The following CAMKK1 variants were observed in gnomAD, a reference collection of about 807,000 sequenced individuals.
The protein encoded by CAMKK1 is calcium/calmodulin-dependent protein kinase kinase 1.
CAMKK1 carries 20 observed loss-of-function variants against 63.5 expected under a neutral mutation model. The ratio of observed to expected loss-of-function variants is 0.32; its 90% confidence interval spans 0.22 to 0.46. CAMKK1 has a LOEUF of 0.46. Ranked by LOEUF, CAMKK1 falls within the 20% of genes least tolerant of loss-of-function variation. The pLI, the probability that CAMKK1 is intolerant of heterozygous loss-of-function variation, is 1.00. For missense variants in CAMKK1, 588 were observed against 658.1 expected (o/e 0.89, Z 1.17); for synonymous variants, 253 against 269.0 (o/e 0.94, Z 0.58).
In CAMKK1 at chr17:3,881,638, G is replaced by A. The variant is rs55809192; in HGVS notation, c.696C>T (p.Leu232=). ...GACGGGGAACTCACCCCTTTCTCAGGAGGTCAAACACTGAAAGAAAAGACA... is the reference window on the plus strand; with the variant it reads ...GACGGGGAACTCACCCCTTTCTCAGAAGGTCAAACACTGAAAGAAAAGACA... The part of the protein sequence containing the change: ...AEDNLYLVFD[L]LRKGPVMEVP... Residue 232 remains leucine, a synonymous_variant, in exon 8 of 16, where the codon CTC becomes CTT. Coordinates refer to ENST00000348335, the MANE Select transcript of CAMKK1 (RefSeq NM_032294.3). The A allele has an allele frequency of 1.1e-4, 170 of 1,568,748 alleles. No homozygotes were observed. Among genetic ancestry groups the A allele is most frequent in the Non-Finnish European group, 1.4e-4 (164 of 1,155,018 alleles).
At chr17:3,863,830 C>G (rs984846956) in intron 15 of CAMKK1, among the ~76,000 whole-genome samples, 1 of 152,206 alleles carries the variant, frequency 6.6e-6, no homozygotes, top group African/African-American at 2.4e-5. Context: ...AAACTAGACA[C>G]TAAATGTATC....
chr17:3,870,397 G>C (rs578220118), intron 12 of CAMKK1, among the ~76,000 whole-genome samples: 1 of 150,196 alleles, frequency 6.7e-6, no homozygotes, highest in Non-Finnish European at 1.5e-5. Context: ...ATGGAGTCTC[G>C]CTCTGTGGCC....
At chr17:3,878,643 C>T (rs1161634205) in intron 9 of CAMKK1, among the ~76,000 whole-genome samples, 1 of 152,068 alleles carries the variant, frequency 6.6e-6, no homozygotes, top group Non-Finnish European at 1.5e-5. Flanking sequence ...AATCTGAAGG[C>T]AAAGGAGAGG....
At chr17:3,891,954 C>G (rs73322949) in intron 1 of CAMKK1, among the ~76,000 whole-genome samples, 3,727 of 151,928 alleles carry the variant, frequency 0.025, 142 homozygotes, top group African/African-American at 0.084. Flanking sequence ...GGTGGGAGAC[C>G]GAGGAAGAGG....
intron 10 of CAMKK1, 135 bp from the exon 11 acceptor site, chr17:3,873,597 G>A (rs2074137454): frequency 4.8e-6 from 4 of 841,980 alleles, no homozygotes; most frequent in Middle Eastern, 2.5e-4. Flanking sequence ...ACACTCCGCG[G>A]TACTTGCCCG....
intron 14 of CAMKK1, 26 bp downstream of exon 14, chr17:3,869,461 G>C: frequency 6.2e-7 from 1 of 1,613,842 alleles, no homozygotes; most frequent in Non-Finnish European, 8.5e-7. Context: ...TCCAGGACAA[G>C]GGAGCATCTA....
At position 3,869,520 on chromosome 17, in the gene CAMKK1, G is replaced by C. The variant is rs779151911; in HGVS notation, c.1308C>G (p.Asn436Lys). Residue 436 changes from asparagine (N) to lysine (K), a missense_variant, in exon 14 of 16, where the codon AAC (asparagine) becomes AAG (lysine). Asn to Lys is a moderately conservative substitution (Grantham distance 94). This residue lies in a region of CAMKK1 where 226 missense variants were observed against 229.2 expected (regional missense o/e 0.99). Coordinates refer to ENST00000348335, the MANE Select transcript of CAMKK1 (RefSeq NM_032294.3). ...VVEVTEEEVK[N>K]SVRLIPSWTT... ...TCCAGCTGGGGATGAGCCTGACTGAGTTCTTAACCTCCTCCTCTGTCACCT... is the reference window on the plus strand; with the variant it reads ...TCCAGCTGGGGATGAGCCTGACTGACTTCTTAACCTCCTCCTCTGTCACCT... 6.2e-7 allele frequency: 1 copy of C among 1,614,238 alleles called. No homozygotes were observed. Among genetic ancestry groups the C allele is most frequent in the Non-Finnish European group, 8.5e-7 (1 of 1,180,036 alleles).
At chr17:3,878,721 G>A (rs908034143) in intron 9 of CAMKK1, 2 of 152,182 alleles carry the variant, frequency 1.3e-5, no homozygotes, top group African/African-American at 4.8e-5. Context: ...TCCCCACCCT[G>A]TTCCCCCAGG....
chr17:3,885,157 T>G (rs2055588841), intron 2 of CAMKK1, among the ~76,000 whole-genome samples, 171 bp downstream of exon 2: 1 of 152,102 alleles, frequency 6.6e-6, no homozygotes, highest in African/African-American at 2.4e-5. Context: ...TTGGCTCAGC[T>G]GGAGCTCCCC....
At chr17:3,871,085 C>T (rs1467081186) in intron 12 of CAMKK1, among the ~76,000 whole-genome samples, 22 of 152,086 alleles carry the variant, frequency 1.4e-4, no homozygotes, top group Admixed American at 1.2e-3. Flanking sequence ...GGGCTGTCCC[C>T]GCCTGAATGT....
chr17:3,880,527 A>G, intron 8 of CAMKK1, 93 bp from the exon 9 acceptor site: 1 of 873,002 alleles, frequency 1.1e-6, no homozygotes, highest in South Asian at 1.4e-5. Flanking sequence ...CTGTGCCCAC[A>G]TGAGTCCCTA....
At chr17:3,864,715 T>C (rs1182134050) in intron 15 of CAMKK1, among the ~76,000 whole-genome samples, 5 of 152,174 alleles carry the variant, frequency 3.3e-5, no homozygotes. Flanking sequence ...ACCACCTCCC[T>C]GAAGAGATGA....
chr17:3,873,392 G>C lies in CAMKK1; in HGVS notation c.1050+17C>G, dbSNP rs2143829106. 1.2e-6 allele frequency: 2 copies of C among 1,613,472 alleles called. No homozygotes were observed. The highest frequency in any genetic ancestry group is 1.7e-6 in the Non-Finnish European group (2 of 1,179,620). On this transcript the variant is annotated intron_variant, in intron 11 of 15. Coordinates refer to ENST00000348335, the MANE Select transcript of CAMKK1 (RefSeq NM_032294.3). Reference sequence around the variant, plus strand: ...CACTGGACCCGCCCCAGCTCTGCTGGCATCCCTGGCACTCACCTTCCCATA... The same window carrying C: ...CACTGGACCCGCCCCAGCTCTGCTGCCATCCCTGGCACTCACCTTCCCATA...
intron 7 of CAMKK1, 173 bp from the exon 8 acceptor site, chr17:3,881,821 C>A: frequency 1.6e-6 from 1 of 634,374 alleles, no homozygotes; most frequent in Non-Finnish European, 2.9e-6. Context: ...AGAGTGGGGT[C>A]TGCTATGGAC....
chr17:3,885,433 C>T lies in CAMKK1; in HGVS notation c.255G>A (p.Glu85=). 1 of 1,613,098 alleles carries T rather than the reference C, an allele frequency of 6.2e-7. No individual in the cohort carries two copies. The highest frequency in any genetic ancestry group is 8.5e-7 in the Non-Finnish European group (1 of 1,179,960). The change falls in exon 2 of 16, where the codon GAG becomes GAA. Residue 85 remains glutamate, a synonymous_variant. Transcript: ENST00000348335. ...LQERPAGSYL[E]AQAGPYATGP... ...CCGTGGCATAAGGCCCAGCCTGCGC[C>T]TCCAGATAGCTTCCTGCTGGCCGCT... is the stretch of plus-strand genomic sequence containing the variant.
In CAMKK1 at chr17:3,889,755, C is replaced by G. The variant is rs564095419; in HGVS notation, c.-44+3184G>C. The stretch of plus-strand genomic sequence containing the variant: ...TTTCCTCCCAGGCTGTGCCCCACCC[C>G]CCAAGCGTCTGGCCACTCCCAAGGA... On this transcript the variant is annotated intron_variant, in intron 1 of 15. Coordinates refer to ENST00000348335, the MANE Select transcript of CAMKK1 (RefSeq NM_032294.3). The surrounding 1 kb of genome is among the most constrained non-coding windows in gnomAD (Gnocchi z 5.2). Among the ~76,000 whole-genome samples, 1 of 152,312 alleles carries G rather than the reference C, an allele frequency of 6.6e-6. No homozygotes were observed. The highest frequency in any genetic ancestry group is 1.9e-4 in the East Asian group (1 of 5,184).
intron 14 of CAMKK1, among the ~76,000 whole-genome samples, chr17:3,869,128 C>T (rs1367110032): frequency 6.6e-6 from 1 of 150,840 alleles, no homozygotes; most frequent in Admixed American, 6.6e-5. Flanking sequence ...GCCACCACGC[C>T]CAGCTAATTT....
At chr17:3,866,845 G>A (rs1390818990) in intron 14 of CAMKK1, among the ~76,000 whole-genome samples, 2 of 152,046 alleles carry the variant, frequency 1.3e-5, no homozygotes, top group Admixed American at 1.3e-4. Context: ...TCAGTCTCCT[G>A]AATAGCTGGG....
At chr17:3,878,403 C>T (rs1172918727) in intron 9 of CAMKK1, among the ~76,000 whole-genome samples, 6 of 152,174 alleles carry the variant, frequency 3.9e-5, no homozygotes, top group East Asian at 1.9e-4. Context: ...AAGATAAACT[C>T]GTTTCTTTGT....
Sources: allele counts gnomAD v4.1 joint callset (sites outside exome capture counted in the v4.1 genomes callset), GRCh38; gene constraint gnomAD v4.1.1; regional missense constraint gnomAD v4.1.1; non-coding constraint Gnocchi (gnomAD v3.1); transcripts MANE v1.5; gene names NCBI Gene and HGNC (gene_info 2026-07-23, HGNC 2026-07-21).